MRPS28: variants seen among roughly 807,000 people sequenced by gnomAD.
MRPS28 encodes mitochondrial ribosomal protein S28, also known as small ribosomal subunit protein bS1m.
A neutral mutation model predicts 10.8 loss-of-function variants in MRPS28; 7 were observed. That is an observed-to-expected ratio of 0.65 (90% CI 0.37 to 1.22). MRPS28 has a LOEUF of 1.22. Among genes scored for constraint, MRPS28 ranks in the 50% most tolerant of loss-of-function variants. MRPS28 has a pLI of 0.02. For synonymous variants in MRPS28, 121 were observed against 93.3 expected, an observed-to-expected ratio of 1.30 and a Z score of -1.71; for missense variants, 265 against 232.9, an observed-to-expected ratio of 1.14 and a Z score of -0.90.
At chr8:79,981,928 G>C in intron 2 of MRPS28, among the ~76,000 whole-genome samples, 1 of 152,246 alleles carries the variant, frequency 6.6e-6, no homozygotes, top group East Asian at 1.9e-4. Flanking sequence ...AAAGGAACAC[G>C]AAGTATTCTA....
intron 2 of MRPS28, among the ~76,000 whole-genome samples, chr8:80,000,399 C>G (rs1265050625): frequency 6.6e-6 from 1 of 152,106 alleles, no homozygotes; most frequent in Non-Finnish European, 1.5e-5. Flanking sequence ...TCCTAAGTAC[C>G]TTTAAAAAGA....
At chr8:80,010,926 T>C (rs1216470331) in intron 1 of MRPS28, among the ~76,000 whole-genome samples, 1 of 152,192 alleles carries the variant, frequency 6.6e-6, no homozygotes, top group African/African-American at 2.4e-5. Context: ...TAACCAGGAA[T>C]GTATGCCATG....
chr8:79,986,393 C>T (rs1044407754), intron 2 of MRPS28, among the ~76,000 whole-genome samples: 17 of 152,290 alleles, frequency 1.1e-4, no homozygotes, highest in Admixed American at 6.5e-4. Flanking sequence ...CTCACCACTC[C>T]TATTCAACAT....
At chr8:79,932,766 G>A (rs1806496801) in intron 2 of MRPS28, among the ~76,000 whole-genome samples, 1 of 152,214 alleles carries the variant, frequency 6.6e-6, no homozygotes, top group African/African-American at 2.4e-5. Context: ...GAGAGGCTGT[G>A]CTGGCACGCC....
intron 1 of MRPS28, among the ~76,000 whole-genome samples, chr8:80,018,822 G>C (rs1448040604): frequency 1.3e-5 from 2 of 152,184 alleles, no homozygotes; most frequent in African/African-American, 2.4e-5. Flanking sequence ...TCATAAAAAA[G>C]AATGAGATCC....
intron 2 of MRPS28, among the ~76,000 whole-genome samples, chr8:79,944,416 T>A (rs1452463017): frequency 6.6e-6 from 1 of 152,236 alleles, no homozygotes; most frequent in East Asian, 1.9e-4. Context: ...GAACTACCTG[T>A]GCCTGCTTAT....
intron 2 of MRPS28, among the ~76,000 whole-genome samples, chr8:79,927,441 C>T (rs1027636095): frequency 6.6e-6 from 1 of 150,590 alleles, no homozygotes; most frequent in Admixed American, 6.6e-5. Context: ...GATTCCTAAT[C>T]CCCTGCACTT....
At chr8:79,950,146 TAAAAC>T (rs1807043764) in intron 2 of MRPS28, among the ~76,000 whole-genome samples, 2 of 152,232 alleles carry the variant, frequency 1.3e-5, no homozygotes, top group Admixed American at 1.3e-4. Flanking sequence ...ATTTAACTAG[TAAAAC>T]AAAATATTCA....
At chr8:79,929,077 CAAAA>C (rs1806387074) in intron 2 of MRPS28, among the ~76,000 whole-genome samples, 1 of 151,774 alleles carries the variant, frequency 6.6e-6, no homozygotes, top group Non-Finnish European at 1.5e-5. Context: ...CAAAACAAAA[CAAAA>C]AAACACTACA....
At chr8:79,921,367 A>G (rs1810089279) in intron 2 of MRPS28, among the ~76,000 whole-genome samples, 1 of 152,136 alleles carries the variant, frequency 6.6e-6, no homozygotes, top group Non-Finnish European at 1.5e-5. Context: ...TTGAATCTAT[A>G]AATTACCTTG....
chr8:80,026,547 T>C (rs967666587), intron 1 of MRPS28, among the ~76,000 whole-genome samples: 1 of 152,234 alleles, frequency 6.6e-6, no homozygotes, highest in Admixed American at 6.5e-5. Flanking sequence ...GACAAATATT[T>C]ACCGAGTGCC....
chr8:79,966,506 TCAATA>T lies in MRPS28; in HGVS notation c.395+36488_395+36492del, dbSNP rs200501256. Among the ~76,000 whole-genome samples, 1,306 of 152,204 alleles carry T rather than the reference TCAATA, an allele frequency of 8.6e-3. 25 individuals carry two copies. The highest frequency in any genetic ancestry group is 0.03 in the African/African-American group (1,245 of 41,560). ...AAAACTGGAGTCACTTTCTCTGCTC[TCAATA>T]CAATTATGCTAGAAATCAATAATAA... On this transcript the variant is annotated intron_variant, in intron 2 of 2. Transcript: ENST00000276585.
At chr8:79,973,590 C>G (rs1057299249) in intron 2 of MRPS28, among the ~76,000 whole-genome samples, 3 of 152,300 alleles carry the variant, frequency 2.0e-5, no homozygotes, top group Non-Finnish European at 4.4e-5. Flanking sequence ...GTAGCTACAA[C>G]TACAGGCCTG....
At chr8:79,964,582 G>C (rs1807456697) in intron 2 of MRPS28, among the ~76,000 whole-genome samples, 2 of 151,984 alleles carry the variant, frequency 1.3e-5, no homozygotes, top group South Asian at 4.1e-4. Context: ...CCAATTACTA[G>C]CTGTATGATC....
chr8:79,950,673 G>A (rs1010301083), intron 2 of MRPS28, among the ~76,000 whole-genome samples: 1 of 152,148 alleles, frequency 6.6e-6, no homozygotes, highest in African/African-American at 2.4e-5. Context: ...ATGAATAAAT[G>A]TTATTTGCCA....
chr8:79,953,270 CAG>C (rs1318604026), intron 2 of MRPS28, among the ~76,000 whole-genome samples: 1 of 152,150 alleles, frequency 6.6e-6, no homozygotes, highest in Non-Finnish European at 1.5e-5. Context: ...CTGCAGAGGA[CAG>C]AGAGTTTTTA....
At chr8:80,007,929 G>A (rs1279702246) in intron 1 of MRPS28, among the ~76,000 whole-genome samples, 3 of 152,052 alleles carry the variant, frequency 2.0e-5, no homozygotes, top group Non-Finnish European at 4.4e-5. Context: ...CTACTTTCAA[G>A]TTCATATGGA....
At chr8:79,965,368 C>T (rs1807477906) in intron 2 of MRPS28, among the ~76,000 whole-genome samples, 1 of 152,014 alleles carries the variant, frequency 6.6e-6, no homozygotes, top group Admixed American at 6.6e-5. Flanking sequence ...ATTAATATTC[C>T]TGTGAAAGCA....
chr8:79,938,819 T>C (rs965967466), intron 2 of MRPS28, among the ~76,000 whole-genome samples: 1 of 152,148 alleles, frequency 6.6e-6, no homozygotes, highest in Non-Finnish European at 1.5e-5. Context: ...GTTTTATAAA[T>C]GAGTTCTCTG....
Sources: allele counts gnomAD v4.1 joint callset (sites outside exome capture counted in the v4.1 genomes callset), GRCh38; gene constraint gnomAD v4.1.1; transcripts MANE v1.5; gene names NCBI Gene and HGNC (gene_info 2026-07-23, HGNC 2026-07-21).